NRXN1: variants seen among roughly 807,000 people sequenced by gnomAD.
NRXN1 encodes neurexin-1.
In NRXN1, 39 loss-of-function variants were observed where a neutral mutation model predicts 150.9. The ratio of observed to expected loss-of-function variants is 0.26; its 90% CI spans 0.20 to 0.34. NRXN1 has a LOEUF of 0.34. Among genes scored for constraint, NRXN1 ranks in the 10% least tolerant of loss-of-function variants. NRXN1 has a pLI of 1.00. For missense variants in NRXN1, 1,815 were observed against 1,949.9 expected (o/e 0.93, Z 1.30); for synonymous variants, 924 against 757.0 (o/e 1.22, Z -3.62).
At chr2:50,690,821 A>T (rs1332043640) in intron 5 of NRXN1, among the ~76,000 whole-genome samples, 1 of 152,166 alleles carries the variant, frequency 6.6e-6, no homozygotes. Flanking sequence ...TCTCTTCTCC[A>T]AACACACACA....
chr2:50,916,953 G>A (rs547057539), intron 5 of NRXN1: 22 of 151,762 alleles, frequency 1.4e-4, no homozygotes, highest in Admixed American at 1.4e-3. Context: ...GAACATGTAA[G>A]CTAAAGATGA....
chr2:50,346,633 A>C lies in NRXN1; in HGVS notation c.3365-109663T>G. Reference sequence around the variant, plus strand: ...GCCTTAGGAGCCCAGGAGCGAGTGCAGGGTAGAAAGAGGGGAGCGAGGGGA... The same window carrying C: ...GCCTTAGGAGCCCAGGAGCGAGTGCCGGGTAGAAAGAGGGGAGCGAGGGGA... On this transcript the variant is annotated intron_variant, in intron 17 of 22. Coordinates refer to ENST00000401669, the MANE Select transcript of NRXN1 (RefSeq NM_001330078.2). This position sits in a 1 kb window ranked among gnomAD's most constrained non-coding sequence, Gnocchi z 5.0. 6.4e-7 allele frequency: 1 copy of C among 1,568,084 alleles called. No homozygotes were observed. Among genetic ancestry groups the C allele is most frequent in the African/African-American group, 1.4e-5 (1 of 74,064 alleles).
At chr2:50,635,725 G>C (rs1446049003) in intron 5 of NRXN1, among the ~76,000 whole-genome samples, 2 of 152,136 alleles carry the variant, frequency 1.3e-5, no homozygotes, top group Non-Finnish European at 2.9e-5. Context: ...ATGCCTTAAA[G>C]ACTCTGTGCT....
At chr2:50,245,250 C>G (rs2066390606) in intron 17 of NRXN1, among the ~76,000 whole-genome samples, 1 of 151,890 alleles carries the variant, frequency 6.6e-6, no homozygotes, top group South Asian at 2.1e-4. Flanking sequence ...GTCCAGGTTA[C>G]CTGGCTGAGT....
At chr2:50,953,463 C>A (rs187891469) in intron 2 of NRXN1, among the ~76,000 whole-genome samples, 4 of 152,090 alleles carry the variant, frequency 2.6e-5, no homozygotes, top group Admixed American at 6.6e-5. Context: ...TCAAACACAT[C>A]ATACATCATG....
At chr2:50,822,319 G>A (rs1190438370) in intron 5 of NRXN1, among the ~76,000 whole-genome samples, 2 of 152,074 alleles carry the variant, frequency 1.3e-5, no homozygotes, top group Non-Finnish European at 2.9e-5. Context: ...TTCAAAGTAA[G>A]AAGTCATGCT....
intron 8 of NRXN1, among the ~76,000 whole-genome samples, chr2:50,559,076 C>T (rs893329382): frequency 6.3e-4 from 96 of 151,472 alleles, no homozygotes; most frequent in African/African-American, 2.3e-3. Context: ...AGTGAGACTC[C>T]GTCTCAAAAA....
In NRXN1 at chr2:50,152,148, A is replaced by G. The variant is rs747878603; in HGVS notation, c.3547-60654T>C. Among the ~76,000 whole-genome samples the G allele has an allele frequency of 5.0e-4, 76 of 151,808 alleles. 1 individual carries two copies. The highest frequency in any genetic ancestry group is 1.6e-3 in the Admixed American group (24 of 15,216). ...ACAACGGTCACCACCATGCATCTCA[A>G]TAACTCTTTCTATCTGGCAAAACTC... On this transcript the variant is annotated intron_variant, in intron 18 of 22. Coordinates refer to ENST00000401669, the MANE Select transcript of NRXN1 (RefSeq NM_001330078.2).
At chr2:50,424,600 A>T (rs2084333074) in intron 17 of NRXN1, among the ~76,000 whole-genome samples, 1 of 152,142 alleles carries the variant, frequency 6.6e-6, no homozygotes, top group Non-Finnish European at 1.5e-5. Flanking sequence ...AAAATCTGTG[A>T]TACTAAAAAT....
At chr2:50,601,890 T>C (rs1025126116) in intron 8 of NRXN1, among the ~76,000 whole-genome samples, 3 of 152,162 alleles carry the variant, frequency 2.0e-5, no homozygotes, top group African/African-American at 7.2e-5. Context: ...ACCGGTGTTA[T>C]CACACAGAAC....
chr2:50,998,962 T>C (rs1169721338), intron 2 of NRXN1, among the ~76,000 whole-genome samples: 1 of 152,030 alleles, frequency 6.6e-6, no homozygotes. Context: ...AAAAATATGT[T>C]TGAACTGCCA....
chr2:50,453,399 G>A (rs2087193967), intron 17 of NRXN1, among the ~76,000 whole-genome samples: 1 of 152,124 alleles, frequency 6.6e-6, no homozygotes, highest in South Asian at 2.1e-4. Flanking sequence ...TCTATTATTA[G>A]TCTAATTACC....
intron 2 of NRXN1, among the ~76,000 whole-genome samples, chr2:50,944,238 C>G (rs548679845): frequency 7.2e-5 from 11 of 152,206 alleles, no homozygotes; most frequent in African/African-American, 2.6e-4. Flanking sequence ...AGGGCTGATC[C>G]ATTTTAGGCA....
chr2:50,743,502 T>C (rs1286322509), intron 5 of NRXN1, among the ~76,000 whole-genome samples: 1 of 152,122 alleles, frequency 6.6e-6, no homozygotes, highest in African/African-American at 2.4e-5. Context: ...AAAGGGAACA[T>C]TTAATGAACA....
chr2:50,994,923 C>T (rs930500293), intron 2 of NRXN1, among the ~76,000 whole-genome samples: 24 of 151,862 alleles, frequency 1.6e-4, no homozygotes, highest in Non-Finnish European at 3.2e-4. Flanking sequence ...CTATTTTCTT[C>T]ACAATTCATT....
chr2:50,321,840 C>A (rs1251844886), intron 17 of NRXN1, among the ~76,000 whole-genome samples: 1 of 152,000 alleles, frequency 6.6e-6, no homozygotes, highest in Non-Finnish European at 1.5e-5. Context: ...AAGTAGCTAA[C>A]TAGTATCTAT....
intron 18 of NRXN1, among the ~76,000 whole-genome samples, chr2:50,116,986 C>T (rs1425146805): frequency 6.6e-6 from 1 of 152,062 alleles, no homozygotes; most frequent in Non-Finnish European, 1.5e-5. Flanking sequence ...TAACTTTTTT[C>T]ATGGTTTTCT....
intron 5 of NRXN1, among the ~76,000 whole-genome samples, chr2:50,791,910 A>G (rs1450746356): frequency 6.6e-6 from 1 of 152,102 alleles, no homozygotes; most frequent in Non-Finnish European, 1.5e-5. Flanking sequence ...AAAAGCATAC[A>G]TTTCTGTTGT....
chr2:50,388,660 T>A (rs2081482919), intron 17 of NRXN1, among the ~76,000 whole-genome samples: 1 of 152,154 alleles, frequency 6.6e-6, no homozygotes, highest in Non-Finnish European at 1.5e-5. Flanking sequence ...TTTATGCTCC[T>A]TAGATTCCAT....
Sources: allele counts gnomAD v4.1 joint callset (sites outside exome capture counted in the v4.1 genomes callset), GRCh38; gene constraint gnomAD v4.1.1; non-coding constraint Gnocchi (gnomAD v3.1); transcripts MANE v1.5; gene names NCBI Gene and HGNC (gene_info 2026-07-23, HGNC 2026-07-21).